The following NDST4 variants were observed in gnomAD, a reference collection of about 807,000 sequenced individuals.
NDST4 encodes N-heparan sulfate sulfotransferase 4.
NDST4 carries 63 observed loss-of-function variants against 100.8 expected under a neutral mutation model. The ratio of observed to expected loss-of-function variants is 0.62; its 90% CI spans 0.51 to 0.77. The LOEUF is 0.77. Ranked by LOEUF, NDST4 falls within the 30% of genes least tolerant of loss-of-function variation. NDST4 has a pLI of 0.00. For synonymous variants in NDST4, 377 were observed against 361.8 expected (o/e 1.04, Z -0.48); for missense variants, 943 against 1,018.4 (o/e 0.93, Z 1.01).
chr4:114,928,673 C>T (rs1393187797), intron 6 of NDST4, among the ~76,000 whole-genome samples: 3 of 152,088 alleles, frequency 2.0e-5, no homozygotes, highest in African/African-American at 7.2e-5. Context: ...CAGTCCAGTG[C>T]ACAACCCCTG....
chr4:114,987,984 T>A (rs968356148), intron 2 of NDST4, among the ~76,000 whole-genome samples: 8 of 152,186 alleles, frequency 5.3e-5, no homozygotes, highest in African/African-American at 1.9e-4. Context: ...ATTCTGAATA[T>A]GCATGCAGTC....
At chr4:115,055,149 G>A (rs944683887) in intron 2 of NDST4, among the ~76,000 whole-genome samples, 1 of 152,118 alleles carries the variant, frequency 6.6e-6, no homozygotes, top group Non-Finnish European at 1.5e-5. Flanking sequence ...AGAATCTAAT[G>A]CCTCATGATC....
intron 4 of NDST4, among the ~76,000 whole-genome samples, chr4:114,967,795 AAT>A (rs200301020): frequency 0.014 from 2,071 of 152,040 alleles, 37 homozygotes; most frequent in African/African-American, 0.04. Context: ...TTTTAAAAAA[AAT>A]TAGGTGTTTT....
chr4:115,076,623 C>T lies in NDST4; in HGVS notation c.414G>A (p.Lys138=), dbSNP rs370295726. ...YTLVIYENIL[K]YVSMDSWNRE... is the part of the protein sequence containing the mutation. The stretch of plus-strand genomic sequence containing the variant: ...GATTCCATGAGTCCATGCTGACATA[C>T]TTCAGAATATTTTCATAAATAACTA... The change falls in exon 2 of 14, where the codon AAG becomes AAA. Residue 138 remains lysine, a synonymous_variant. Transcript: ENST00000264363. 13 of 1,613,866 alleles carry T rather than the reference C, an allele frequency of 8.1e-6. No individual in the cohort carries two copies. Among genetic ancestry groups the T allele is most frequent in the Non-Finnish European group, 1.1e-5 (13 of 1,179,876 alleles).
chr4:114,910,657 G>C (rs186388053), intron 6 of NDST4, among the ~76,000 whole-genome samples: 2 of 152,138 alleles, frequency 1.3e-5, no homozygotes, highest in African/African-American at 2.4e-5. Flanking sequence ...TTGTTATGTA[G>C]CACTTGAACT....
intron 10 of NDST4, among the ~76,000 whole-genome samples, chr4:114,840,764 G>A (rs1578336810): frequency 6.6e-6 from 1 of 152,132 alleles, no homozygotes; most frequent in East Asian, 1.9e-4. Context: ...AAGTATACTG[G>A]TCCGTGCTAT....
At chr4:115,061,146 G>A (rs560969234) in intron 2 of NDST4, among the ~76,000 whole-genome samples, 2 of 152,172 alleles carry the variant, frequency 1.3e-5, no homozygotes, top group South Asian at 4.1e-4. Flanking sequence ...TTAGAATGGC[G>A]AAATAGGAAT....
chr4:114,860,324 A>G (rs1723891396), intron 7 of NDST4, among the ~76,000 whole-genome samples: 2 of 152,188 alleles, frequency 1.3e-5, no homozygotes, highest in South Asian at 4.1e-4. Flanking sequence ...TGTGGCAGAG[A>G]AGGCTGAACT....
chr4:115,095,217 A>G (rs569447226), intron 1 of NDST4, among the ~76,000 whole-genome samples: 1 of 152,182 alleles, frequency 6.6e-6, no homozygotes, highest in Non-Finnish European at 1.5e-5. Flanking sequence ...CAGTTACCAA[A>G]GACACTCAGC....
chr4:114,907,409 C>A (rs921300012), intron 6 of NDST4, among the ~76,000 whole-genome samples: 1 of 152,114 alleles, frequency 6.6e-6, no homozygotes. Flanking sequence ...ATAATAATAC[C>A]TCTCTCATAA....
Position 114,831,762 on chromosome 4 carries a change from G to T in NDST4, c.2396+1844C>A, listed in dbSNP as rs965300471. Among the ~76,000 whole-genome samples the T allele has an allele frequency of 5.9e-5, 9 of 152,268 alleles. 1 individual carries two copies. The highest frequency in any genetic ancestry group is 5.9e-4 in the Admixed American group (9 of 15,298). On this transcript the variant is annotated intron_variant, in intron 12 of 13. Coordinates refer to ENST00000264363, the MANE Select transcript of NDST4 (RefSeq NM_022569.3). ...AACCTTGAATCTACATGATTTTGCT[G>T]TCCTGGTTTCATTTATTGCATTGGC...
At chr4:115,079,809 T>C (rs1166127975) in intron 1 of NDST4, among the ~76,000 whole-genome samples, 1 of 152,204 alleles carries the variant, frequency 6.6e-6, no homozygotes, top group African/African-American at 2.4e-5. Context: ...TGCAAAATTA[T>C]GTCGCTACTT....
intron 1 of NDST4, among the ~76,000 whole-genome samples, chr4:115,106,226 T>C (rs1429134213): frequency 6.6e-6 from 1 of 152,078 alleles, no homozygotes; most frequent in Non-Finnish European, 1.5e-5. Flanking sequence ...GGCCAAATAA[T>C]GTCAGACTTG....
chr4:114,831,133 A>G (rs1723188472), intron 12 of NDST4, among the ~76,000 whole-genome samples: 2 of 150,654 alleles, frequency 1.3e-5, no homozygotes, highest in East Asian at 1.9e-4. Context: ...GCTCACTGCA[A>G]GCTCCGCTTC....
chr4:115,090,942 A>G (rs964527190), intron 1 of NDST4, among the ~76,000 whole-genome samples: 1 of 152,056 alleles, frequency 6.6e-6, no homozygotes, highest in African/African-American at 2.4e-5. Context: ...AGCCATTTTT[A>G]TATTGCTTGT....
At chr4:115,018,569 C>T (rs1727740035) in intron 2 of NDST4, among the ~76,000 whole-genome samples, 1 of 151,808 alleles carries the variant, frequency 6.6e-6, no homozygotes, top group African/African-American at 2.4e-5. Flanking sequence ...CTATTATATT[C>T]AAATAAGTGA....
In NDST4 at chr4:115,009,105, C is replaced by T. The variant is rs545470399; in HGVS notation, c.979-31831G>A. 6.1e-3 allele frequency among the ~76,000 whole-genome samples: 767 copies of T among 125,998 alleles called. 169 individuals carry two copies. Among genetic ancestry groups the T allele is most frequent in the Non-Finnish European group, 0.011 (634 of 59,134 alleles). 82.7% of individuals were successfully genotyped at this position (125,998 alleles called of 152,430 possible). A position where few individuals can be genotyped will look rare whatever the true frequency, so the allele number is the denominator to read the frequency against. ...AATCAATATCGTGAAAATGGCCATA[C>T]TGCCCAAGGTAATTTATAGATTCAA... is the stretch of plus-strand genomic sequence containing the variant. On this transcript the variant is annotated intron_variant, in intron 2 of 13. Transcript: ENST00000264363.
intron 1 of NDST4, among the ~76,000 whole-genome samples, chr4:115,081,246 T>C (rs534584325): frequency 6.6e-6 from 1 of 152,292 alleles, no homozygotes; most frequent in African/African-American, 2.4e-5. Context: ...GTTTTCAATG[T>C]AGGTGTTTTA....
rs143378470 is a variant in NDST4 at position 114,870,078 on chromosome 4, T to G, written c.1719+690A>C. Among the ~76,000 whole-genome samples the G allele has an allele frequency of 8.0e-3, 1,218 of 152,198 alleles. 10 individuals are homozygous for G. Among genetic ancestry groups the G allele is most frequent in the South Asian group, 0.011 (51 of 4,826 alleles). On this transcript the variant is annotated intron_variant, in intron 7 of 13. Coordinates refer to ENST00000264363, the MANE Select transcript of NDST4 (RefSeq NM_022569.3). Reference sequence around the variant, plus strand: ...ATTGATTTTGTGGGTCGATGTAATCTGATGCATAAAGAGGCAAGAAAATGG... The same window carrying G: ...ATTGATTTTGTGGGTCGATGTAATCGGATGCATAAAGAGGCAAGAAAATGG...
Sources: gnomAD v4.1 joint callset for allele counts (sites outside exome capture counted in the v4.1 genomes callset) on GRCh38, gnomAD v4.1.1 for gene constraint, MANE v1.5 for transcripts, NCBI Gene and HGNC (gene_info 2026-07-23, HGNC 2026-07-21) for gene names.